The following NRXN3 variants were observed in gnomAD, a reference collection of about 807,000 sequenced individuals.
NRXN3 encodes neurexin 3, also known as neurexin III.
In NRXN3, 32 loss-of-function variants were observed where a neutral mutation model predicts 137.6. The ratio of observed to expected loss-of-function variants is 0.23; its 90% CI spans 0.18 to 0.31. The LOEUF (loss-of-function observed/expected upper bound fraction) is 0.31, where lower values mean the gene tolerates loss of function less well. Among genes scored for constraint, NRXN3 ranks in the 10% least tolerant of loss-of-function variants. NRXN3 has a pLI of 1.00. For missense variants in NRXN3, 1,574 were observed against 2,062.5 expected (o/e 0.76, Z 4.59); for synonymous variants, 798 against 784.5 (o/e 1.02, Z -0.29).
At chr14:79,398,841 C>T (rs1345758294) in intron 15 of NRXN3, among the ~76,000 whole-genome samples, 1 of 151,764 alleles carries the variant, frequency 6.6e-6, no homozygotes, top group Non-Finnish European at 1.5e-5. Flanking sequence ...GAAACCCTGT[C>T]TCTACTAAAA....
chr14:78,443,258 G>C (rs1179618237), intron 4 of NRXN3, among the ~76,000 whole-genome samples: 3 of 152,192 alleles, frequency 2.0e-5, no homozygotes, highest in African/African-American at 4.8e-5. Flanking sequence ...AGAAAGCCCT[G>C]CTTATTCAGG....
intron 10 of NRXN3, among the ~76,000 whole-genome samples, chr14:78,888,871 A>ACACACACACACACACACACC (rs1491176672): frequency 4.8e-5 from 7 of 146,322 alleles, no homozygotes; most frequent in African/African-American, 1.6e-4. Flanking sequence ...ACACACACAC[A>ACACACACACACACACACACC]CCCCAGATTT....
chr14:79,402,461 A>G (rs1244066201), intron 15 of NRXN3, among the ~76,000 whole-genome samples: 2 of 152,310 alleles, frequency 1.3e-5, no homozygotes, highest in South Asian at 2.1e-4. Context: ...TGCATGTAAT[A>G]TATTTTCTAT....
Position 78,243,831 on chromosome 14 carries a change from A to T in NRXN3, c.709+29A>T. On this transcript the variant is annotated intron_variant, in intron 2 of 20. Coordinates refer to ENST00000335750, the MANE Select transcript of NRXN3 (RefSeq NM_001330195.2). This position sits in a 1 kb window ranked among gnomAD's most constrained non-coding sequence, Gnocchi z 4.2. The stretch of plus-strand genomic sequence containing the variant: ...AGACCCTCTCCCTCTCTTGCTAGAG[A>T]CCCACCCACGGGATGGCTGAGGCTG... The T allele has an allele frequency of 6.6e-7, 1 of 1,514,032 alleles. No homozygotes were observed. The highest frequency in any genetic ancestry group is 8.8e-7 in the Non-Finnish European group (1 of 1,131,940). The allele number at this position is 1,514,032 out of a possible 1,614,324, so 93.8% of individuals were successfully genotyped here. A position where few individuals can be genotyped will look rare whatever the true frequency, so the allele number is the denominator to read the frequency against.
chr14:79,042,568 G>GA (rs2099626772), intron 15 of NRXN3, among the ~76,000 whole-genome samples: 1 of 152,220 alleles, frequency 6.6e-6, no homozygotes, highest in Non-Finnish European at 1.5e-5. Flanking sequence ...ATTTTACATT[G>GA]TGTTTTTCTT....
At chr14:78,233,501 A>G (rs2065741914) in intron 1 of NRXN3, among the ~76,000 whole-genome samples, 1 of 152,016 alleles carries the variant, frequency 6.6e-6, no homozygotes, top group Non-Finnish European at 1.5e-5. Flanking sequence ...TGGACATAGA[A>G]CCCCTAAAGA....
At position 78,946,647 on chromosome 14, in the gene NRXN3, C is replaced by T. The variant is rs138431104; in HGVS notation, c.2276-10595C>T. On this transcript the variant is annotated intron_variant, in intron 10 of 20. Transcript: ENST00000335750. ...AACAGTTTTCTTCTGCTTGATGCCCCATGTTAATGAGGAACTCAGGGTGCA... is the reference window on the plus strand; with the variant it reads ...AACAGTTTTCTTCTGCTTGATGCCCTATGTTAATGAGGAACTCAGGGTGCA... Among the ~76,000 whole-genome samples, 638 of 152,190 alleles carry T rather than the reference C, an allele frequency of 4.2e-3. 6 individuals are homozygous for T. Among genetic ancestry groups the T allele is most frequent in the African/African-American group, 0.015 (604 of 41,516 alleles).
intron 20 of NRXN3, among the ~76,000 whole-genome samples, chr14:79,832,343 T>A (rs1484759044): frequency 6.6e-6 from 1 of 152,202 alleles, no homozygotes; most frequent in Non-Finnish European, 1.5e-5. Context: ...GAGTGTCTCC[T>A]AAGTTGCATT....
At chr14:78,501,518 A>G (rs2095875922) in intron 4 of NRXN3, among the ~76,000 whole-genome samples, 1 of 152,194 alleles carries the variant, frequency 6.6e-6, no homozygotes. Flanking sequence ...GTTATGTCCC[A>G]TCACTTTTGT....
intron 15 of NRXN3, among the ~76,000 whole-genome samples, chr14:79,022,841 G>A (rs1374953668): frequency 1.3e-5 from 2 of 152,124 alleles, no homozygotes; most frequent in Non-Finnish European, 2.9e-5. Flanking sequence ...GTCTTCATTA[G>A]CCTTAATCAG....
intron 15 of NRXN3, among the ~76,000 whole-genome samples, chr14:79,127,309 T>G (rs377694973): frequency 0.016 from 2,437 of 151,912 alleles, 62 homozygotes; most frequent in African/African-American, 0.056. Context: ...ATGGTTTTAG[T>G]TCTAACGTTT....
chr14:78,243,153 C>A lies in NRXN3; in HGVS notation c.60C>A (p.Ser20=). The A allele has an allele frequency of 1.3e-6, 2 of 1,546,284 alleles. No homozygotes were observed. Among genetic ancestry groups the A allele is most frequent in the Non-Finnish European group, 8.7e-7 (1 of 1,152,848 alleles). The part of the protein sequence containing the change: ...FTLKVSILLG[S]LLGLCLGLEF... Reference sequence around the variant, plus strand: ...TGAAGGTCAGCATCCTGCTGGGGTCCCTGCTGGGGCTCTGCCTGGGCCTTG... The same window carrying A: ...TGAAGGTCAGCATCCTGCTGGGGTCACTGCTGGGGCTCTGCCTGGGCCTTG... The change falls in exon 2 of 21, where the codon TCC becomes TCA. Residue 20 remains serine (S), a synonymous_variant. Coordinates refer to ENST00000335750, the MANE Select transcript of NRXN3 (RefSeq NM_001330195.2). The surrounding 1 kb of genome is among the most constrained non-coding windows in gnomAD (Gnocchi z 4.2).
intron 19 of NRXN3, among the ~76,000 whole-genome samples, chr14:79,783,297 TTAAC>T (rs2099119541): frequency 6.6e-6 from 1 of 152,162 alleles, no homozygotes; most frequent in Non-Finnish European, 1.5e-5. Flanking sequence ...TAACTGATCA[TTAAC>T]TAGGAGGAAA....
At chr14:79,546,137 T>C (rs749873063) in intron 16 of NRXN3, among the ~76,000 whole-genome samples, 8 of 152,134 alleles carry the variant, frequency 5.3e-5, no homozygotes, top group Non-Finnish European at 8.8e-5. Flanking sequence ...GAACTGTAAG[T>C]CCAATTAAAC....
intron 14 of NRXN3, among the ~76,000 whole-genome samples, chr14:78,973,858 G>C (rs976577953): frequency 1.3e-5 from 2 of 152,098 alleles, no homozygotes; most frequent in African/African-American, 4.8e-5. Flanking sequence ...TTAAGGCAAA[G>C]GTAACGTTCA....
At chr14:79,080,950 C>T (rs866116895) in intron 15 of NRXN3, among the ~76,000 whole-genome samples, 22 of 152,006 alleles carry the variant, frequency 1.4e-4, no homozygotes, top group African/African-American at 5.1e-4. Flanking sequence ...ATCTTCTTAT[C>T]CCTCCCCCAT....
At chr14:78,403,868 G>C (rs2092293016) in intron 4 of NRXN3, 1 of 985,342 alleles carries the variant, frequency 1.0e-6, no homozygotes, top group Non-Finnish European at 1.2e-6. Context: ...AAATTAACTC[G>C]AGCTTGGCAG....
chr14:78,471,276 C>T (rs2095261059), intron 4 of NRXN3, among the ~76,000 whole-genome samples: 1 of 145,846 alleles, frequency 6.9e-6, no homozygotes, highest in South Asian at 2.3e-4. Flanking sequence ...TCCCTTTCTT[C>T]TCTTCAACAC....
At chr14:79,527,885 AAAAAAG>A (rs2097135634) in intron 16 of NRXN3, among the ~76,000 whole-genome samples, 1 of 150,580 alleles carries the variant, frequency 6.6e-6, no homozygotes, top group East Asian at 1.9e-4. Flanking sequence ...AAAAAAAAAA[AAAAAAG>A]AAAGAAAAAA....
Sources: allele counts gnomAD v4.1 joint callset (sites outside exome capture counted in the v4.1 genomes callset), GRCh38; gene constraint gnomAD v4.1.1; non-coding constraint Gnocchi (gnomAD v3.1); transcripts MANE v1.5; gene names NCBI Gene and HGNC (gene_info 2026-07-23, HGNC 2026-07-21).